Variants in MAPRE2 observed in about 807,000 individuals in gnomAD.
MAPRE2 encodes the protein microtubule associated protein RP/EB family member 2.
MAPRE2 carries 13 observed loss-of-function variants against 43.2 expected under a neutral mutation model. The ratio of observed to expected loss-of-function variants is 0.30; its 90% CI spans 0.20 to 0.48. The LOEUF (loss-of-function observed/expected upper bound fraction) is 0.48, where lower values mean the gene tolerates loss of function less well. Among genes scored for constraint, MAPRE2 ranks in the 20% least tolerant of loss-of-function variants. The pLI is 0.99. For synonymous variants in MAPRE2, 135 were observed against 148.8 expected (o/e 0.91, Z 0.68); for missense variants, 161 against 400.2 (o/e 0.40, Z 5.10).
intron 3 of MAPRE2, among the ~76,000 whole-genome samples, chr18:35,098,846 C>G (rs1247617345): frequency 6.6e-6 from 1 of 152,164 alleles, no homozygotes; most frequent in African/African-American, 2.4e-5. Flanking sequence ...AATGGATGAG[C>G]AGTTGTTAAG....
chr18:35,122,989 G>T (rs375759560), intron 4 of MAPRE2, among the ~76,000 whole-genome samples: 7 of 152,350 alleles, frequency 4.6e-5, no homozygotes, highest in African/African-American at 2.4e-5. Context: ...TGGCTAGAAG[G>T]GGGAGAGCAT....
intron 4 of MAPRE2, among the ~76,000 whole-genome samples, chr18:35,112,474 C>T (rs1217705135): frequency 6.6e-6 from 1 of 152,078 alleles, no homozygotes; most frequent in East Asian, 1.9e-4. Flanking sequence ...CCCGGCAGAA[C>T]ATTGTTTCTT....
chr18:35,125,622 G>C (rs1157219123), intron 4 of MAPRE2, among the ~76,000 whole-genome samples: 1 of 152,238 alleles, frequency 6.6e-6, no homozygotes, highest in Non-Finnish European at 1.5e-5. Context: ...ACTTCACAGG[G>C]ACTGTGTTCA....
intron 5 of MAPRE2, among the ~76,000 whole-genome samples, chr18:35,130,357 A>G (rs571379537): frequency 2.0e-5 from 3 of 152,292 alleles, no homozygotes; most frequent in Admixed American, 6.5e-5. Flanking sequence ...AAGCTATAGT[A>G]TTAATAGAAA....
intron 1 of MAPRE2, among the ~76,000 whole-genome samples, chr18:35,044,546 A>G (rs973304266): frequency 1.3e-5 from 2 of 152,078 alleles, no homozygotes; most frequent in Non-Finnish European, 2.9e-5. Flanking sequence ...TTTATTTTCT[A>G]CCTTTGCCTG....
intron 1 of MAPRE2, among the ~76,000 whole-genome samples, chr18:35,058,980 C>T (rs189840684): frequency 4.6e-5 from 7 of 152,242 alleles, no homozygotes; most frequent in East Asian, 1.9e-4. Context: ...TAAACCTCTC[C>T]GAGTCTGTAT....
chr18:34,978,631 G>T (rs545338997), intron 1 of MAPRE2: 553 of 1,136,730 alleles, frequency 4.9e-4, no homozygotes, highest in Non-Finnish European at 6.7e-4. Context: ...TATGGCTCTT[G>T]GTTAGCCAGT....
At chr18:35,041,863 T>C in intron 1 of MAPRE2, 1 of 1,325,574 alleles carries the variant, frequency 7.5e-7, no homozygotes, top group Non-Finnish European at 1.0e-6. Flanking sequence ...ATGGAAAGCA[T>C]TTTGTGAATA....
intron 2 of MAPRE2, among the ~76,000 whole-genome samples, chr18:35,092,867 A>G (rs1908219881): frequency 1.3e-5 from 2 of 152,178 alleles, no homozygotes; most frequent in African/African-American, 2.4e-5. Flanking sequence ...CATCAAGGAA[A>G]TACAGTGGGA....
chr18:35,050,635 T>G (rs886213820), intron 1 of MAPRE2, among the ~76,000 whole-genome samples: 1 of 152,212 alleles, frequency 6.6e-6, no homozygotes, highest in Non-Finnish European at 1.5e-5. Context: ...TTTATCAAGC[T>G]CCTGCCATTT....
intron 4 of MAPRE2, among the ~76,000 whole-genome samples, chr18:35,122,513 A>G (rs1909725322): frequency 6.6e-6 from 1 of 152,224 alleles, no homozygotes; most frequent in Non-Finnish European, 1.5e-5. Context: ...ATAGAATTTC[A>G]AGATCCCTCT....
At chr18:34,981,946 G>A (rs1204956205) in intron 1 of MAPRE2, among the ~76,000 whole-genome samples, 2 of 147,508 alleles carry the variant, frequency 1.4e-5, no homozygotes, top group Non-Finnish European at 3.0e-5. Flanking sequence ...GTGCAGTGGC[G>A]CCATCTCGGC....
chr18:34,978,362 T>C, intron 1 of MAPRE2: 1 of 721,702 alleles, frequency 1.4e-6, no homozygotes, highest in African/African-American at 1.8e-5. Flanking sequence ...CTTCCTTGAT[T>C]AGCATAGTAT....
In MAPRE2 at chr18:34,985,530, A is replaced by T. The variant is rs1404260540; in HGVS notation, c.-70+8451A>T. On this transcript the variant is annotated intron_variant, in intron 1 of 7. Transcript: ENST00000413393. ...TATAATATATATATTATATATTATA[A>T]ATATAATATATAATATATATATTAT... 1.1e-4 allele frequency among the ~76,000 whole-genome samples: 5 copies of T among 46,050 alleles called. 1 individual carries two copies. Among genetic ancestry groups the T allele is most frequent in the East Asian group, 1.3e-3 (2 of 1,576 alleles). 30.2% of individuals were successfully genotyped at this position (46,050 alleles called of 152,430 possible). A position where few individuals can be genotyped will look rare whatever the true frequency, so the allele number is the denominator to read the frequency against.
At chr18:34,999,823 C>T (rs2097028418) in intron 1 of MAPRE2, among the ~76,000 whole-genome samples, 1 of 152,142 alleles carries the variant, frequency 6.6e-6, no homozygotes, top group Admixed American at 6.5e-5. Context: ...GTTGTGTGCT[C>T]AGCTCTGTGC....
At chr18:35,091,903 G>A (rs115418172) in intron 2 of MAPRE2, among the ~76,000 whole-genome samples, 1 of 152,180 alleles carries the variant, frequency 6.6e-6, no homozygotes, top group African/African-American at 2.4e-5. Context: ...GGCTTAATTG[G>A]CTCACAGTTC....
chr18:35,132,195 G>A lies in MAPRE2; in HGVS notation c.909+5G>A, dbSNP rs1446486339. The A allele has an allele frequency of 6.2e-7, 1 of 1,613,798 alleles. No homozygotes were observed. Among genetic ancestry groups the A allele is most frequent in the Non-Finnish European group, 8.5e-7 (1 of 1,179,772 alleles). ...CTGTATGCTTCAGAAGAACACGTAA[G>A]TGTGAGGAGCATGTGACTCCTGTGT... On this transcript the variant is annotated splice_donor_5th_base_variant and intron_variant, in intron 6 of 6. Coordinates refer to ENST00000300249, the MANE Select transcript of MAPRE2 (RefSeq NM_014268.4).
rs145508415 is a variant in MAPRE2 at position 35,134,895 on chromosome 18, A to G, written c.909+2705A>G. 8.5e-5 allele frequency among the ~76,000 whole-genome samples: 13 copies of G among 152,328 alleles called. No homozygotes were observed. In the East Asian group the frequency reaches 1.3e-3, roughly 16 times the overall value. On this transcript the variant is annotated intron_variant, in intron 6 of 6. Coordinates refer to ENST00000300249, the MANE Select transcript of MAPRE2 (RefSeq NM_014268.4). ...GTTGTATCTCTGGCACTGCGCTGACATCATCAAATAGCTTTAAGGGAAGGA... is the reference window on the plus strand; with the variant it reads ...GTTGTATCTCTGGCACTGCGCTGACGTCATCAAATAGCTTTAAGGGAAGGA...
At chr18:35,097,423 G>C (rs747641780) in intron 2 of MAPRE2, 23 bp from the exon 3 acceptor site, 2 of 1,611,534 alleles carry the variant, frequency 1.2e-6, no homozygotes, top group Non-Finnish European at 1.7e-6. Flanking sequence ...ACTCACTCCA[G>C]TACTGTTCTT....
Sources: gnomAD v4.1 joint callset for allele counts (sites outside exome capture counted in the v4.1 genomes callset) on GRCh38, gnomAD v4.1.1 for gene constraint, MANE v1.5 for transcripts, NCBI Gene and HGNC (gene_info 2026-07-23, HGNC 2026-07-21) for gene names.